Variants in PAK5 observed in about 807,000 individuals in gnomAD.
The protein encoded by PAK5 is p21 (RAC1) activated kinase 5.
In PAK5, 16 loss-of-function variants were observed where a neutral mutation model predicts 65.9. The ratio of observed to expected loss-of-function variants is 0.24; its 90% CI spans 0.16 to 0.37. The LOEUF (loss-of-function observed/expected upper bound fraction) is 0.37, where lower values mean the gene tolerates loss of function less well. Ranked by LOEUF, PAK5 falls within the 10% of genes least tolerant of loss-of-function variation. PAK5 has a pLI of 1.00. For synonymous variants in PAK5, 371 were observed against 354.9 expected (o/e 1.05, Z -0.51); for missense variants, 785 against 903.9 (o/e 0.87, Z 1.69).
intron 2 of PAK5, among the ~76,000 whole-genome samples, chr20:9,702,057 A>G (rs1336371538): frequency 5.9e-5 from 9 of 152,172 alleles, no homozygotes; most frequent in Admixed American, 5.9e-4. Context: ...TAAATGAAAT[A>G]TCCGAGCTTC....
At chr20:9,761,152 C>G (rs1437701192) in intron 1 of PAK5, among the ~76,000 whole-genome samples, 1 of 152,128 alleles carries the variant, frequency 6.6e-6, no homozygotes, top group African/African-American at 2.4e-5. Context: ...TTATCTTTAG[C>G]TTTGCTTTTC....
rs114471044 is a variant in PAK5 at position 9,721,924 on chromosome 20, A to G, written c.-161-10489T>C. ...ATTTTCCTGTGCTGTCACTTCTCCCATATATCATGTTTTGGAAATATTTTC... is the reference window on the plus strand; with the variant it reads ...ATTTTCCTGTGCTGTCACTTCTCCCGTATATCATGTTTTGGAAATATTTTC... On this transcript the variant is annotated intron_variant, in intron 1 of 9. Transcript: ENST00000353224. Among the ~76,000 whole-genome samples, 683 of 152,248 alleles carry G rather than the reference A, an allele frequency of 4.5e-3. 5 individuals are homozygous for G. The highest frequency in any genetic ancestry group is 0.013 in the African/African-American group (552 of 41,534).
intron 1 of PAK5, among the ~76,000 whole-genome samples, chr20:9,822,692 G>A (rs1430739048): frequency 6.6e-6 from 1 of 152,210 alleles, no homozygotes; most frequent in East Asian, 1.9e-4. Context: ...GAGGCAACAG[G>A]TATAGATGTA....
At chr20:9,549,784 G>T (rs183242723) in intron 7 of PAK5, among the ~76,000 whole-genome samples, 1 of 152,086 alleles carries the variant, frequency 6.6e-6, no homozygotes, top group Admixed American at 6.5e-5. Flanking sequence ...GTAAAGTGCC[G>T]ATTTGCTGAG....
intron 1 of PAK5, among the ~76,000 whole-genome samples, chr20:9,762,028 C>A (rs1600340201): frequency 6.6e-6 from 1 of 152,188 alleles, no homozygotes; most frequent in South Asian, 2.1e-4. Flanking sequence ...ACAGCCTCTT[C>A]AATAAACAGT....
chr20:9,644,148 G>T lies in PAK5; in HGVS notation c.181C>A (p.Pro61Thr). 2 of 1,613,836 alleles carry T rather than the reference G, an allele frequency of 1.2e-6. No individual in the cohort carries two copies. The highest frequency in any genetic ancestry group is 1.7e-6 in the Non-Finnish European group (2 of 1,179,840). Residue 61 changes from proline (P) to threonine (T), a missense_variant, in exon 3 of 10, where the codon CCC becomes ACC. Pro to Thr is a conservative substitution (Grantham distance 38). Coordinates refer to ENST00000353224, the MANE Select transcript of PAK5 (RefSeq NM_177990.4). ...ACCTTCATAGGAGCCAGCTGGATGG[G>T]TGTGATGCATGAAGGGTCCACCATA... ...KPMVDPSCIT[P>T]IQLAPMKTIV...
chr20:9,642,226 G>A (rs905921651), intron 3 of PAK5, among the ~76,000 whole-genome samples: 4 of 152,156 alleles, frequency 2.6e-5, no homozygotes, highest in Admixed American at 6.5e-5. Context: ...CTGAGGAATC[G>A]CCACACTGAC....
chr20:9,780,351 T>G (rs554728230), intron 1 of PAK5, among the ~76,000 whole-genome samples: 25 of 152,218 alleles, frequency 1.6e-4, no homozygotes. Flanking sequence ...TCTCATCTTT[T>G]GCTTCTTGAG....
intron 4 of PAK5, among the ~76,000 whole-genome samples, chr20:9,566,941 T>C (rs767183450): frequency 6.6e-6 from 1 of 152,116 alleles, no homozygotes; most frequent in Non-Finnish European, 1.5e-5. Flanking sequence ...AAAATGATGC[T>C]AGACCCGAAA....
intron 1 of PAK5, among the ~76,000 whole-genome samples, chr20:9,721,320 GGA>G (rs1299981226): frequency 2.0e-5 from 3 of 151,966 alleles, no homozygotes; most frequent in Non-Finnish European, 4.4e-5. Context: ...CTAGCATGCT[GGA>G]GTGCTCCCTG....
chr20:9,801,004 G>A (rs1240589942), intron 1 of PAK5, among the ~76,000 whole-genome samples: 1 of 151,902 alleles, frequency 6.6e-6, no homozygotes, highest in Non-Finnish European at 1.5e-5. Context: ...TCTAACAACA[G>A]TTCAGGCAAG....
intron 1 of PAK5, among the ~76,000 whole-genome samples, chr20:9,737,986 C>A (rs2048408810): frequency 6.6e-6 from 1 of 151,920 alleles, no homozygotes; most frequent in Non-Finnish European, 1.5e-5. Flanking sequence ...ACTAAAAATA[C>A]AAAAATTAGC....
At chr20:9,779,646 C>G (rs963640635) in intron 1 of PAK5, among the ~76,000 whole-genome samples, 2 of 151,666 alleles carry the variant, frequency 1.3e-5, no homozygotes, top group Non-Finnish European at 2.9e-5. Flanking sequence ...AGCTCAGTAG[C>G]CATCTTTACA....
At position 9,542,604 on chromosome 20, in the gene PAK5, T is replaced by G; in HGVS notation, c.1986A>C (p.Arg662Ser). 1 of 1,614,012 alleles carries G rather than the reference T, an allele frequency of 6.2e-7. No individual in the cohort carries two copies. The highest frequency in any genetic ancestry group is 1.7e-4 in the Middle Eastern group (1 of 6,060). The change falls in exon 9 of 10, where the codon AGA (arginine) becomes AGC (serine). Residue 662 changes from arginine to serine, a missense_variant. Transcript: ENST00000353224. ...TTCTCACCTTGTGTAGGTCCTTCAC[T>G]CTTGGAGGTAAACTGTCCCGGATCC... ...MRRIRDSLPPRVKDLHKVSSV... is the reference protein window; with the variant it reads ...MRRIRDSLPPSVKDLHKVSSV...
intron 1 of PAK5, among the ~76,000 whole-genome samples, chr20:9,754,449 C>G (rs980653450): frequency 6.6e-6 from 1 of 151,976 alleles, no homozygotes. Context: ...GGCCATGAGA[C>G]CAGATGAAGT....
intron 2 of PAK5, among the ~76,000 whole-genome samples, chr20:9,690,750 C>CTTTTTTTTTTTTTTTTTTTTTTTT (rs112955560): frequency 9.6e-6 from 1 of 103,978 alleles, no homozygotes; most frequent in Non-Finnish European, 1.9e-5. Context: ...TTCTTTCTTT[C>CTTTTTTTTTTTTTTTTTTTTTTTT]TTTTTTTTTT....
chr20:9,558,043 T>TATTC (rs35860631), intron 6 of PAK5, among the ~76,000 whole-genome samples: 4,287 of 138,866 alleles, frequency 0.031, 230 homozygotes, highest in African/African-American at 0.1. Flanking sequence ...TTTATTTATT[T>TATTC]ATTCATTCAT....
chr20:9,579,630 A>G (rs1173355007), intron 4 of PAK5, among the ~76,000 whole-genome samples: 1 of 152,258 alleles, frequency 6.6e-6, no homozygotes, highest in Non-Finnish European at 1.5e-5. Flanking sequence ...AATATAGTAG[A>G]AAGTACATAC....
chr20:9,585,248 G>A (rs1280619789), intron 3 of PAK5, among the ~76,000 whole-genome samples: 1 of 151,988 alleles, frequency 6.6e-6, no homozygotes, highest in African/African-American at 2.4e-5. Flanking sequence ...CTGCTACCAT[G>A]GAATCACTTC....
Sources: gnomAD v4.1 joint callset for allele counts (sites outside exome capture counted in the v4.1 genomes callset) on GRCh38, gnomAD v4.1.1 for gene constraint, MANE v1.5 for transcripts, NCBI Gene and HGNC (gene_info 2026-07-23, HGNC 2026-07-21) for gene names.